Variants in PSD3 observed in about 807,000 individuals in gnomAD.
PSD3 encodes PH and SEC7 domain-containing protein 3.
A neutral mutation model predicts 105.5 loss-of-function variants in PSD3; 49 were observed. That is an observed-to-expected ratio of 0.46 (90% confidence interval 0.37 to 0.59). PSD3 has a LOEUF of 0.59. Among genes scored for constraint, PSD3 ranks in the 20% least tolerant of loss-of-function variants. PSD3 has a pLI of 0.00. For synonymous variants in PSD3, 557 were observed against 457.8 expected (o/e 1.22, Z -2.77); for missense variants, 1,561 against 1,263.8 (o/e 1.24, Z -3.57).
chr8:18,616,617 TC>T (rs1443169262), intron 11 of PSD3, among the ~76,000 whole-genome samples: 5 of 51,920 alleles, frequency 9.6e-5, no homozygotes, highest in African/African-American at 3.0e-4. Flanking sequence ...CATCTTCCTC[TC>T]TTTTCTTTTC....
At chr8:18,713,533 T>C (rs1026791728) in intron 9 of PSD3, among the ~76,000 whole-genome samples, 6 of 152,024 alleles carry the variant, frequency 3.9e-5, no homozygotes, top group South Asian at 2.1e-4. Flanking sequence ...CCATTCACAA[T>C]TGCTACAAAG....
At chr8:18,748,389 G>T (rs995727373) in intron 9 of PSD3, among the ~76,000 whole-genome samples, 1 of 152,064 alleles carries the variant, frequency 6.6e-6, no homozygotes, top group Admixed American at 6.5e-5. Flanking sequence ...GGCTGGGCGC[G>T]ATGGCTCACA....
At chr8:18,834,265 G>A (rs950467341) in intron 4 of PSD3, among the ~76,000 whole-genome samples, 14 of 152,160 alleles carry the variant, frequency 9.2e-5, no homozygotes, top group African/African-American at 1.4e-4. Flanking sequence ...ATTGAGCCTT[G>A]ATTACATGGC....
intron 15 of PSD3, among the ~76,000 whole-genome samples, chr8:18,554,447 G>C (rs866749674): frequency 1.3e-5 from 2 of 152,070 alleles, no homozygotes; most frequent in Non-Finnish European, 2.9e-5. Context: ...TTTTTGCTAA[G>C]AAACGTTTAC....
intron 9 of PSD3, among the ~76,000 whole-genome samples, chr8:18,702,962 G>A (rs1801679470): frequency 1.3e-5 from 2 of 152,070 alleles, no homozygotes; most frequent in African/African-American, 4.8e-5. Flanking sequence ...TGTAGTGCCT[G>A]CTATAGCCAT....
intron 1 of PSD3, among the ~76,000 whole-genome samples, chr8:18,946,752 A>G (rs1270811506): frequency 6.6e-6 from 1 of 151,678 alleles, no homozygotes; most frequent in Non-Finnish European, 1.5e-5. Flanking sequence ...AAAAAATACA[A>G]AAGTTAGCTA....
intron 15 of PSD3, among the ~76,000 whole-genome samples, chr8:18,549,327 A>G (rs1333343106): frequency 6.6e-6 from 1 of 152,032 alleles, no homozygotes; most frequent in Non-Finnish European, 1.5e-5. Flanking sequence ...GATTACAGGC[A>G]TGTGCCACAA....
chr8:18,828,350 T>C (rs1280411644), intron 4 of PSD3, among the ~76,000 whole-genome samples: 1 of 152,046 alleles, frequency 6.6e-6, no homozygotes, highest in African/African-American at 2.4e-5. Flanking sequence ...ACCTCCTTAT[T>C]AGTAATGGGA....
chr8:18,901,432 T>C (rs950517403), intron 2 of PSD3, among the ~76,000 whole-genome samples: 1 of 152,202 alleles, frequency 6.6e-6, no homozygotes, highest in African/African-American at 2.4e-5. Flanking sequence ...TCAAGGGTAT[T>C]ATTGATAGGC....
At chr8:18,875,538 G>T (rs1159736239) in intron 2 of PSD3, among the ~76,000 whole-genome samples, 1 of 151,446 alleles carries the variant, frequency 6.6e-6, no homozygotes, top group Non-Finnish European at 1.5e-5. Context: ...TCTAATTCTA[G>T]AACTTTTTTT....
chr8:18,711,261 A>G (rs573513568), intron 9 of PSD3, among the ~76,000 whole-genome samples: 33 of 152,346 alleles, frequency 2.2e-4, no homozygotes, highest in Middle Eastern at 6.8e-3. Context: ...CAGCATCATG[A>G]TGACAGGATC....
chr8:18,741,453 T>C (rs1386528353), intron 9 of PSD3, among the ~76,000 whole-genome samples: 2 of 151,998 alleles, frequency 1.3e-5, no homozygotes, highest in Non-Finnish European at 2.9e-5. Context: ...TCCATGGGAG[T>C]AGCTTATATC....
At chr8:18,680,769 T>G (rs1032635777) in intron 9 of PSD3, among the ~76,000 whole-genome samples, 4 of 152,214 alleles carry the variant, frequency 2.6e-5, no homozygotes, top group Admixed American at 2.6e-4. Flanking sequence ...TTTAGTAGGT[T>G]AAATAATATT....
rs60972395 is a variant in PSD3, at chr8:19,078,845, A to T, written c.324+5361T>A. ...CTGTGGAGTAGGGAGATGAGCAAGC[A>T]GATGGGCAGAAAGAGAAAGAGGGAT... On this transcript the variant is annotated intron_variant, in intron 1 of 1. Transcript: ENST00000521475. Among the ~76,000 whole-genome samples the T allele has an allele frequency of 4.7e-3, 720 of 151,728 alleles. 4 individuals carry two copies. Among genetic ancestry groups the T allele is most frequent in the African/African-American group, 0.016 (663 of 41,342 alleles).
chr8:18,612,499 AATAG>A (rs1328880466), intron 11 of PSD3, among the ~76,000 whole-genome samples: 1 of 151,906 alleles, frequency 6.6e-6, no homozygotes, highest in African/African-American at 2.4e-5. Flanking sequence ...CAGCTTCCCC[AATAG>A]CTGGGACTAC....
rs1408912273 is a variant in PSD3 at position 18,577,027 on chromosome 8, T to C, written c.2482-1742A>G. On this transcript the variant is annotated intron_variant, in intron 12 of 15. Coordinates refer to ENST00000327040, the MANE Select transcript of PSD3 (RefSeq NM_015310.4). ...CTAGTTCTTTTGTTTTCCATATTTCTTCTTTGGTTAAGAAAGAATTTAAGG... is the reference window on the plus strand; with the variant it reads ...CTAGTTCTTTTGTTTTCCATATTTCCTCTTTGGTTAAGAAAGAATTTAAGG... Among the ~76,000 whole-genome samples the C allele has an allele frequency of 2.0e-5, 3 of 152,198 alleles. No homozygotes were observed. In the East Asian group the frequency reaches 5.8e-4, roughly 29 times the overall value.
At chr8:19,006,294 CAAAA>C (rs58023537) in intron 1 of PSD3, among the ~76,000 whole-genome samples, 1 of 80,820 alleles carries the variant, frequency 1.2e-5, no homozygotes, top group African/African-American at 3.6e-5. Flanking sequence ...AACTCCATCT[CAAAA>C]AAAAAAAAAA....
intron 9 of PSD3, among the ~76,000 whole-genome samples, chr8:18,757,102 A>G: frequency 6.7e-6 from 1 of 149,024 alleles, no homozygotes; most frequent in East Asian, 2.0e-4. Context: ...ATCTGTAACT[A>G]CTCATTTTAC....
intron 9 of PSD3, among the ~76,000 whole-genome samples, chr8:18,727,068 T>G (rs1019828736): frequency 6.6e-6 from 1 of 152,010 alleles, no homozygotes; most frequent in African/African-American, 2.4e-5. Flanking sequence ...CCAGGCGCAG[T>G]GGCTCACGCC....
Sources: gnomAD v4.1 joint callset for allele counts (sites outside exome capture counted in the v4.1 genomes callset) on GRCh38, gnomAD v4.1.1 for gene constraint, MANE v1.5 for transcripts, NCBI Gene and HGNC (gene_info 2026-07-23, HGNC 2026-07-21) for gene names.